RAD51B: variants seen among roughly 807,000 people sequenced by gnomAD.
RAD51B encodes RAD51 paralog B, also known as DNA repair protein RAD51 homolog 2.
A neutral mutation model predicts 42.2 loss-of-function variants in RAD51B; 38 were observed. That is an observed-to-expected ratio of 0.90 (90% CI 0.70 to 1.18). The LOEUF (loss-of-function observed/expected upper bound fraction) is 1.18, where lower values mean the gene tolerates loss of function less well. Among genes scored for constraint, RAD51B ranks in the 50% most tolerant of loss-of-function variants. The pLI is 0.00. For synonymous variants in RAD51B, 154 were observed against 145.2 expected, an observed-to-expected ratio of 1.06 and a Z score of -0.43; for missense variants, 373 against 400.7, an observed-to-expected ratio of 0.93 and a Z score of 0.59.
At chr14:67,941,141 G>C (rs995695595) in intron 7 of RAD51B, among the ~76,000 whole-genome samples, 2 of 152,164 alleles carry the variant, frequency 1.3e-5, no homozygotes, top group Non-Finnish European at 2.9e-5. Context: ...TCTGGACATT[G>C]TTCATGGTCC....
At chr14:68,551,350 C>A (rs1400873112) in intron 10 of RAD51B, among the ~76,000 whole-genome samples, 1 of 152,226 alleles carries the variant, frequency 6.6e-6, no homozygotes, top group Non-Finnish European at 1.5e-5. Flanking sequence ...GCGTCCCTCG[C>A]AGGTTTGATG....
chr14:67,826,654 G>A (rs1211096520), intron 3 of RAD51B, among the ~76,000 whole-genome samples: 1 of 151,842 alleles, frequency 6.6e-6, no homozygotes, highest in Non-Finnish European at 1.5e-5. Flanking sequence ...TAAAAACAAT[G>A]AACAGATATT....
At chr14:68,257,882 A>T (rs2080786598) in intron 7 of RAD51B, among the ~76,000 whole-genome samples, 1 of 152,218 alleles carries the variant, frequency 6.6e-6, no homozygotes, top group Admixed American at 6.5e-5. Flanking sequence ...ACAATAGATT[A>T]TTAATGTTTT....
At position 67,967,188 on chromosome 14, in the gene RAD51B, A is replaced by G. The variant is rs150264473; in HGVS notation, c.756+79984A>G. 3.4e-3 allele frequency among the ~76,000 whole-genome samples: 512 copies of G among 152,280 alleles called. 6 individuals carry two copies. The highest frequency in any genetic ancestry group is 0.012 in the African/African-American group (481 of 41,546). On this transcript the variant is annotated intron_variant, in intron 7 of 10. Coordinates refer to ENST00000471583, the MANE Select transcript of RAD51B (RefSeq NM_133510.4). ...CACTACCACGAAAACAGTGTGGGGA[A>G]TACTGCCCCCATGATTCAAACTATC...
At chr14:67,824,806 C>T (rs931085552) in intron 2 of RAD51B, among the ~76,000 whole-genome samples, 7 of 151,620 alleles carry the variant, frequency 4.6e-5, no homozygotes, top group Non-Finnish European at 1.0e-4. Context: ...CGGCCGGGCA[C>T]GGTGGCTCAC....
At chr14:68,473,426 G>A (rs1050038419) in intron 10 of RAD51B, among the ~76,000 whole-genome samples, 1 of 152,206 alleles carries the variant, frequency 6.6e-6, no homozygotes, top group African/African-American at 2.4e-5. Context: ...CTCCCAGGGA[G>A]ATGAGAAAGG....
At chr14:68,510,561 C>T (rs973290207) in intron 10 of RAD51B, among the ~76,000 whole-genome samples, 9 of 152,170 alleles carry the variant, frequency 5.9e-5, no homozygotes, top group Non-Finnish European at 2.9e-5. Context: ...CTGTAATTAA[C>T]AGGTTTCAAA....
At chr14:68,388,531 A>G (rs2083660268) in intron 8 of RAD51B, among the ~76,000 whole-genome samples, 1 of 152,164 alleles carries the variant, frequency 6.6e-6, no homozygotes, top group Admixed American at 6.5e-5. Context: ...AATCAAGTAT[A>G]TATCATTCTA....
At chr14:68,613,831 T>G (rs1395165174), downstream of RAD51B, among the ~76,000 whole-genome samples, 5 of 152,206 alleles carry the variant, frequency 3.3e-5, no homozygotes, top group African/African-American at 1.2e-4. Flanking sequence ...CTCCATAACT[T>G]GCTCAGAAGC....
intron 7 of RAD51B, among the ~76,000 whole-genome samples, chr14:68,055,724 A>C (rs1233926063): frequency 6.6e-6 from 1 of 152,218 alleles, no homozygotes; most frequent in East Asian, 1.9e-4. Flanking sequence ...TGAAACACGC[A>C]TCTGACAGCT....
At chr14:68,592,271 G>C (rs1043780829) in intron 10 of RAD51B, among the ~76,000 whole-genome samples, 2 of 151,728 alleles carry the variant, frequency 1.3e-5, no homozygotes, top group Admixed American at 1.3e-4. Flanking sequence ...GTGTGTGTGT[G>C]TGTGTGTGTG....
chr14:68,074,186 T>C (rs952148403), intron 7 of RAD51B, among the ~76,000 whole-genome samples: 3 of 152,220 alleles, frequency 2.0e-5, no homozygotes, highest in African/African-American at 7.2e-5. Context: ...TTGGTCTCTT[T>C]ACATAATTCC....
intron 7 of RAD51B, among the ~76,000 whole-genome samples, chr14:68,123,669 A>T (rs538706880): frequency 3.3e-5 from 5 of 152,150 alleles, no homozygotes; most frequent in Admixed American, 2.6e-4. Flanking sequence ...TTAGCTCGGC[A>T]TGGTGGCGCA....
At chr14:68,539,649 A>T (rs941691046) in intron 10 of RAD51B, among the ~76,000 whole-genome samples, 13 of 152,236 alleles carry the variant, frequency 8.5e-5, no homozygotes, top group Non-Finnish European at 1.6e-4. Context: ...CCAGCATTTC[A>T]TTAGCTCGGC....
chr14:68,346,364 C>T (rs934834675), intron 8 of RAD51B, among the ~76,000 whole-genome samples: 1 of 152,146 alleles, frequency 6.6e-6, no homozygotes, highest in Admixed American at 6.5e-5. Context: ...AGATCCCATT[C>T]CTCCTCTTCT....
intron 7 of RAD51B, among the ~76,000 whole-genome samples, chr14:68,091,792 G>C (rs1003684503): frequency 9.2e-5 from 14 of 152,160 alleles, no homozygotes; most frequent in African/African-American, 3.1e-4. Context: ...GTCCTGAATG[G>C]TATTGCCTAG....
At chr14:67,965,357 C>G (rs2074750085) in intron 7 of RAD51B, among the ~76,000 whole-genome samples, 1 of 151,650 alleles carries the variant, frequency 6.6e-6, no homozygotes, top group African/African-American at 2.4e-5. Context: ...TTCTCCTAGC[C>G]ATTGCCCTGT....
intron 10 of RAD51B, among the ~76,000 whole-genome samples, chr14:68,617,501 G>A (rs183517685): frequency 1.2e-3 from 188 of 152,312 alleles, no homozygotes; most frequent in South Asian, 2.7e-3. Flanking sequence ...TTAGTATTAA[G>A]CACTCAACAG....
chr14:68,143,825 C>G (rs1360951723), intron 7 of RAD51B, among the ~76,000 whole-genome samples: 3 of 152,170 alleles, frequency 2.0e-5, no homozygotes, highest in Non-Finnish European at 4.4e-5. Flanking sequence ...TGGACTCTAT[C>G]AGAACCAACC....
Sources: allele counts gnomAD v4.1 joint callset (sites outside exome capture counted in the v4.1 genomes callset), GRCh38; gene constraint gnomAD v4.1.1; transcripts MANE v1.5; gene names NCBI Gene and HGNC (gene_info 2026-07-23, HGNC 2026-07-21).